The following PSG4 variants were observed in gnomAD, a reference collection of about 807,000 sequenced individuals.
PSG4 encodes pregnancy specific beta-1-glycoprotein 4, also known as pregnancy-specific beta-1-glycoprotein 4.
A neutral mutation model predicts 44.3 loss-of-function variants in PSG4; 61 were observed. The ratio of observed to expected loss-of-function variants is 1.38; its 90% CI spans 1.12 to 1.70. The LOEUF is 1.70. PSG4 is among the 40% of genes most tolerant of loss of function. The pLI, the probability that PSG4 is intolerant of heterozygous loss-of-function variation, is 0.00. For synonymous variants in PSG4, 248 were observed against 191.3 expected (o/e 1.30, Z -2.45); for missense variants, 677 against 511.7 (o/e 1.32, Z -3.12).
In PSG4 at chr19:43,203,808, A is replaced by C; in HGVS notation, c.430+78T>G. 3 of 1,551,166 alleles carry C rather than the reference A, an allele frequency of 1.9e-6. 1 individual carries two copies. In the South Asian group the frequency reaches 3.5e-5, roughly 18 times the overall value. On this transcript the variant is annotated intron_variant, in intron 2 of 5. Transcript: ENST00000405312. ...GCAGAGAGGGACACAGGCAGAGTCC[A>C]GGCCTGAGAATCCTGTGTGTGTGAA...
chr19:43,198,113 G>C lies in PSG4; in HGVS notation c.593C>G (p.Thr198Ser). 1 of 1,587,782 alleles carries C rather than the reference G, an allele frequency of 6.3e-7. No homozygotes were observed. The highest frequency in any genetic ancestry group is 8.5e-7 in the Non-Finnish European group (1 of 1,171,896). Residue 198 changes from threonine to serine, a missense_variant, in exon 3 of 6, where the codon ACC becomes AGC. Coordinates refer to ENST00000405312, the MANE Select transcript of PSG4 (RefSeq NM_002780.5). ...PMTHRLQLSK[T>S]NRTLFIFGVT... ...ACCAAATATAAAGAGGGTCCTGTTG[G>C]TTTTGGACAGCTGCAACCTGTGAGT...
At position 43,194,390 on chromosome 19, in the gene PSG4, T is replaced by C; in HGVS notation, c.1193A>G (p.Asn398Ser). 4 of 1,612,430 alleles carry C rather than the reference T, an allele frequency of 2.5e-6. No individual in the cohort carries two copies. The highest frequency in any genetic ancestry group is 3.4e-6 in the Non-Finnish European group (4 of 1,179,100). ...GGAGCTTTCCTTGCCAGTGGCTGAG[T>C]TACGAACAGAGCAAGCATAGAGCCC... ...HSGLYACSVR[N>S]SATGKESSKS... Residue 398 changes from asparagine to serine, a missense_variant, in exon 5 of 6, where the codon AAC (asparagine) becomes AGC (serine). Coordinates refer to ENST00000405312, the MANE Select transcript of PSG4 (RefSeq NM_002780.5).
chr19:43,204,373 C>G lies in PSG4; in HGVS notation c.65-122G>C, dbSNP rs74822207. On this transcript the variant is annotated intron_variant, in intron 1 of 5. Transcript: ENST00000405312. ...ACACACAAACACACACATACAAACA[C>G]ATACACACACTAAAGGGGCGTGAGT... 2.7e-3 allele frequency: 3,492 copies of G among 1,272,230 alleles called. 958 individuals carry two copies. The East Asian group carries it at 0.091, about 33-fold the overall frequency. The allele number at this position is 1,272,230 out of a possible 1,614,324, so 78.8% of individuals were successfully genotyped here.
chr19:43,194,186 T>C, intron 5 of PSG4, 154 bp downstream of exon 5: 6 of 1,541,476 alleles, frequency 3.9e-6, no homozygotes, highest in South Asian at 2.6e-5. Flanking sequence ...TTGGAAGTTC[T>C]TAGACAAATT....
At chr19:43,199,826 C>CA (rs1235680667) in intron 2 of PSG4, among the ~76,000 whole-genome samples, 2 of 145,192 alleles carry the variant, frequency 1.4e-5, no homozygotes, top group African/African-American at 2.6e-5. Flanking sequence ...CTCTTGAGAC[C>CA]AAAATAAGGT....
Position 43,198,500 on chromosome 19 carries a change from T to G in PSG4, c.431-225A>C, listed in dbSNP as rs370586314. On this transcript the variant is annotated intron_variant, in intron 2 of 5. Transcript: ENST00000405312. Reference sequence around the variant, plus strand: ...AGCACAGACTTTCTTAGGTGTGAATTGAGCAGCAGCATTGGGTCATGGAAA... The same window carrying G: ...AGCACAGACTTTCTTAGGTGTGAATGGAGCAGCAGCATTGGGTCATGGAAA... 21 of 831,138 alleles carry G rather than the reference T, an allele frequency of 2.5e-5. 3 individuals are homozygous for G. In the East Asian group the frequency reaches 3.2e-4, roughly 13 times the overall value. The allele number at this position is 831,138 out of a possible 1,614,324, so 51.5% of individuals were successfully genotyped here.
chr19:43,200,665 T>C (rs894603797), intron 2 of PSG4, among the ~76,000 whole-genome samples: 16 of 145,306 alleles, frequency 1.1e-4, no homozygotes, highest in Non-Finnish European at 1.6e-4. Flanking sequence ...AAGCTCCACC[T>C]CCTGGGTTCA....
At chr19:43,203,835 T>G (rs749922495) in intron 2 of PSG4, 51 bp downstream of exon 2, 1 of 1,564,728 alleles carries the variant, frequency 6.4e-7, no homozygotes, top group Non-Finnish European at 8.6e-7. Flanking sequence ...GTGTGTGAAG[T>G]AGAAGTGACC....
rs1252251727 is a variant in PSG4, at chr19:43,193,085, G to C, written c.*287C>G. ...CAGGCATGAGCAAGGACGGTTAAGA[G>C]GGGTGGGAGCCTTATCATGATGGGG... On this transcript the variant is annotated 3_prime_UTR_variant, in exon 6 of 6. Transcript: ENST00000405312. 4.9e-6 allele frequency: 3 copies of C among 616,714 alleles called. No individual in the cohort carries two copies. Among genetic ancestry groups the C allele is most frequent in the Non-Finnish European group, 8.7e-6 (3 of 344,248 alleles). 38.2% of individuals were successfully genotyped at this position (616,714 alleles called of 1,614,324 possible).
In PSG4 at chr19:43,202,938, T is replaced by TC. The variant is rs1301840173; in HGVS notation, c.430+947dup. ...AGACAGACCTCATGTGACCCCGATC[T>TC]CCCCTTTGTGTTGGTGTGACTCTGG... On this transcript the variant is annotated intron_variant, in intron 2 of 5. Coordinates refer to ENST00000405312, the MANE Select transcript of PSG4 (RefSeq NM_002780.5). 2.2e-4 allele frequency among the ~76,000 whole-genome samples: 32 copies of TC among 144,804 alleles called. 3 individuals are homozygous for TC. The highest frequency in any genetic ancestry group is 8.5e-4 in the African/African-American group (32 of 37,518). The allele number at this position is 144,804 out of a possible 152,430, so 95.0% of individuals were successfully genotyped here. A position where few individuals can be genotyped will look rare whatever the true frequency, so the allele number is the denominator to read the frequency against.
At chr19:43,199,480 T>A (rs1229319625) in intron 2 of PSG4, among the ~76,000 whole-genome samples, 2 of 145,820 alleles carry the variant, frequency 1.4e-5, no homozygotes, top group Non-Finnish European at 3.0e-5. Context: ...CTAATTTTTT[T>A]ATTTTGGAAT....
In PSG4 at chr19:43,205,484, AC is replaced by A. The variant is rs1568392443; in HGVS notation, c.52del (p.Val18SerfsTer8). On this transcript the variant is annotated frameshift_variant, in exon 1 of 6. Coordinates refer to ENST00000405312, the MANE Select transcript of PSG4 (RefSeq NM_002780.5). LOFTEE classifies it high-confidence loss of function. ...AGTTCTCTCCTCACCTGTGAGCAGG[AC>A]CCCCTTCCAGGTGATGCGCTGTGTG... ...PCTQRITWKG[V>X]LLTASLLNFW... The A allele has an allele frequency of 1.2e-5, 18 of 1,546,434 alleles. 3 individuals are homozygous for A. The highest frequency in any genetic ancestry group is 2.2e-5 in the South Asian group (2 of 89,074).
Position 43,205,537 on chromosome 19 carries a change from G to T in PSG4, c.-1C>A, listed in dbSNP as rs759017541. The stretch of plus-strand genomic sequence containing the variant: ...AGGGAGGGGCTGAGAGGGGCCCCAT[G>T]GTCTCTGCTGCTTGTGTGTTCTCCT... On this transcript the variant is annotated 5_prime_UTR_variant, in exon 1 of 6. Transcript: ENST00000405312. 1 of 1,550,508 alleles carries T rather than the reference G, an allele frequency of 6.4e-7. No homozygotes were observed. The highest frequency in any genetic ancestry group is 1.5e-5 in the African/African-American group (1 of 67,822).
Position 43,193,374 on chromosome 19 carries a change from A to C in PSG4, c.1258T>G (p.Ter420GlyextTer35). The C allele has an allele frequency of 3.9e-6, 3 of 774,020 alleles. No homozygotes were observed. Among genetic ancestry groups the C allele is most frequent in the Non-Finnish European group, 7.2e-6 (3 of 417,640 alleles). 47.9% of individuals were successfully genotyped at this position (774,020 alleles called of 1,614,324 possible). ...GGAATTGGAGGAACTAGTAGAATTCAGGGTAATATCCAGTCTACAGGTGGA... is the reference window on the plus strand; with the variant it reads ...GGAATTGGAGGAACTAGTAGAATTCCGGGTAATATCCAGTCTACAGGTGGA... ...TVKVSDWILP[*>G] The change falls in exon 6 of 6, where the codon TGA becomes GGA. Residue 420 changes from the stop codon to glycine, a stop_lost. Coordinates refer to ENST00000405312, the MANE Select transcript of PSG4 (RefSeq NM_002780.5).
chr19:43,204,215 G>GC lies in PSG4; in HGVS notation c.100dup (p.Ala34GlyfsTer6), dbSNP rs749765339. The GC allele has an allele frequency of 2.0e-5, 31 of 1,581,060 alleles. 2 individuals carry two copies. Among genetic ancestry groups the GC allele is most frequent in the Non-Finnish European group, 2.3e-5 (27 of 1,168,018 alleles). ...TGGCTGGGCTTCAATCGTGACTTGG[G>GC]CAGTTGTGGGCGGATTCCAGAAGTT... On this transcript the variant is annotated frameshift_variant, in exon 2 of 6. Coordinates refer to ENST00000405312, the MANE Select transcript of PSG4 (RefSeq NM_002780.5). LOFTEE classifies it high-confidence loss of function.
rs997173950 is a variant in PSG4, at chr19:43,198,663, C to T, written c.431-388G>A. 9.3e-5 allele frequency: 19 copies of T among 203,898 alleles called. 3 individuals carry two copies. The highest frequency in any genetic ancestry group is 3.1e-4 in the East Asian group (2 of 6,548). The allele number at this position is 203,898 out of a possible 1,614,324, so 12.6% of individuals were successfully genotyped here. On this transcript the variant is annotated intron_variant, in intron 2 of 5. Coordinates refer to ENST00000405312, the MANE Select transcript of PSG4 (RefSeq NM_002780.5). ...TTAGTTTCAGTCTTACTTTGCCCCC[C>T]GAGGTATGTTTTCTCTGCAGCTTCC...
At position 43,195,154 on chromosome 19, in the gene PSG4, C is replaced by T; in HGVS notation, c.829G>A (p.Gly277Ser). The stretch of plus-strand genomic sequence containing the variant: ...CTGGGACTGACAGGGAGGCTCTGAC[C>T]ATTTAGCCACCAAATGTAGGTGTAG... ...KNYTYIWWLN[G>S]QSLPVSPRVK... is the part of the protein sequence containing the mutation. Residue 277 changes from glycine to serine, a missense_variant, in exon 4 of 6, where the codon GGT becomes AGT. By Grantham distance (56) the Gly-to-Ser change is moderately conservative. Transcript: ENST00000405312. 1 of 1,610,290 alleles carries T rather than the reference C, an allele frequency of 6.2e-7. No individual in the cohort carries two copies. The highest frequency in any genetic ancestry group is 2.2e-5 in the East Asian group (1 of 44,872).
In PSG4 at chr19:43,195,258, G is replaced by C. The variant is rs752208239; in HGVS notation, c.725C>G (p.Pro242Arg). 3 of 1,610,406 alleles carry C rather than the reference G, an allele frequency of 1.9e-6. No homozygotes were observed. Among genetic ancestry groups the C allele is most frequent in the Non-Finnish European group, 2.5e-6 (3 of 1,178,904 alleles). The change falls in exon 4 of 6, where the codon CCC becomes CGC. Residue 242 changes from proline to arginine, a missense_variant. Coordinates refer to ENST00000405312, the MANE Select transcript of PSG4 (RefSeq NM_002780.5). ...TLNLLPKLSKPYITINNLNPR... is the reference protein window; with the variant it reads ...TLNLLPKLSKRYITINNLNPR... ...GTTTAAGTTGTTGATTGTGATGTAG[G>C]GCTTGGACAGCTTTGCTGTGTGGAT...
At position 43,198,198 on chromosome 19, in the gene PSG4, C is replaced by A; in HGVS notation, c.508G>T (p.Asp170Tyr). 1 of 1,587,686 alleles carries A rather than the reference C, an allele frequency of 6.3e-7. No individual in the cohort carries two copies. Among genetic ancestry groups the A allele is most frequent in the Non-Finnish European group, 8.5e-7 (1 of 1,171,818 alleles). The stretch of plus-strand genomic sequence containing the variant: ...TAGCTTGCGGCTGGAGTCGCAGGAT[C>A]ACAGGTTAAGATCACAGCCTCCATG... ...EAMEAVILTCDPATPAASYQW... is the reference protein window; with the variant it reads ...EAMEAVILTCYPATPAASYQW... Residue 170 changes from aspartate to tyrosine, a missense_variant, in exon 3 of 6, where the codon GAT becomes TAT. Asp to Tyr is a radical substitution (Grantham distance 160, BLOSUM62 -3). Coordinates refer to ENST00000405312, the MANE Select transcript of PSG4 (RefSeq NM_002780.5).
Sources: gnomAD v4.1 joint callset for allele counts (sites outside exome capture counted in the v4.1 genomes callset) on GRCh38, gnomAD v4.1.1 for gene constraint, MANE v1.5 for transcripts, NCBI Gene and HGNC (gene_info 2026-07-23, HGNC 2026-07-21) for gene names.